Variants in EBF3 observed in about 807,000 individuals in gnomAD.
EBF3 encodes the protein EBF transcription factor 3, also known as transcription factor COE3.
A neutral mutation model predicts 77.1 loss-of-function variants in EBF3; 18 were observed. The observed-to-expected ratio is 0.23, with a 90% CI of 0.16 to 0.35. EBF3 has a LOEUF of 0.35. Ranked by LOEUF, EBF3 falls within the 10% of genes least tolerant of loss-of-function variation. The pLI, the probability that EBF3 is intolerant of heterozygous loss-of-function variation, is 1.00. For synonymous variants in EBF3, 350 were observed against 343.5 expected, an observed-to-expected ratio of 1.02 and a Z score of -0.21; for missense variants, 558 against 860.0, an observed-to-expected ratio of 0.65 and a Z score of 4.39.
intron 6 of EBF3, among the ~76,000 whole-genome samples, chr10:129,915,464 A>ACACG (rs1564884747): frequency 7.6e-6 from 1 of 131,788 alleles, no homozygotes; most frequent in Admixed American, 8.6e-5. Context: ...GCACACATGC[A>ACACG]CACACACACA....
intron 6 of EBF3, among the ~76,000 whole-genome samples, chr10:129,881,969 C>T (rs892430957): frequency 1.3e-5 from 2 of 152,166 alleles, no homozygotes; most frequent in African/African-American, 4.8e-5. Context: ...CCAGCATAAG[C>T]GTGGAGCAGC....
Position 129,963,742 on chromosome 10 carries a change from C to A in EBF3, c.27G>T (p.Pro9=). 1 of 1,531,798 alleles carries A rather than the reference C, an allele frequency of 6.5e-7. No homozygotes were observed. Among genetic ancestry groups the A allele is most frequent in the Non-Finnish European group, 8.8e-7 (1 of 1,131,952 alleles). The allele number at this position is 1,531,798 out of a possible 1,614,324, so 94.9% of individuals were successfully genotyped here. MFGIQENI[P]RGGTTMKEEP... ...CCTCCTTCATGGTCGTCCCCCCGCG[C>A]GGAATATTCTCCTGAATCCCAAACA... is the stretch of plus-strand genomic sequence containing the variant. The change falls in exon 1 of 17, where the codon CCG becomes CCT. Residue 9 remains proline (P), a synonymous_variant. Coordinates refer to ENST00000440978, the MANE Select transcript of EBF3 (RefSeq NM_001375380.1). This position sits in a 1 kb window ranked among gnomAD's most constrained non-coding sequence, Gnocchi z 7.1.
Position 129,938,517 on chromosome 10 carries a change from T to C in EBF3, c.554+18741A>G, listed in dbSNP as rs1857513740. Among the ~76,000 whole-genome samples the C allele has an allele frequency of 6.6e-6, 1 of 152,152 alleles. No individual in the cohort carries two copies. The highest frequency in any genetic ancestry group is 1.5e-5 in the Non-Finnish European group (1 of 68,026). On this transcript the variant is annotated intron_variant, in intron 6 of 16. Coordinates refer to ENST00000440978, the MANE Select transcript of EBF3 (RefSeq NM_001375380.1). The surrounding 1 kb of genome is among the most constrained non-coding windows in gnomAD (Gnocchi z 5.1). ...GCAGGGAGCTGTGATTGTGCCACTG[T>C]ACCCAGCCTGGGTGGCAGAGTGAGA...
At chr10:129,906,769 T>G (rs1381586854) in intron 6 of EBF3, among the ~76,000 whole-genome samples, 2 of 152,186 alleles carry the variant, frequency 1.3e-5, no homozygotes, top group African/African-American at 4.8e-5. Context: ...TTTTTTCGAT[T>G]CTGTCAAAAT....
chr10:129,867,927 C>A lies in EBF3; in HGVS notation c.782-15G>T, dbSNP rs371419680. ...GCACGGAGTGGCTGCTCACACAAGA[C>A]AGAGAAGGCAGACCTTAGAGCCCCG... is the stretch of plus-strand genomic sequence containing the variant. On this transcript the variant is annotated splice_polypyrimidine_tract_variant and intron_variant, in intron 8 of 16. Coordinates refer to ENST00000440978, the MANE Select transcript of EBF3 (RefSeq NM_001375380.1). 6.2e-7 allele frequency: 1 copy of A among 1,613,104 alleles called. No individual in the cohort carries two copies. Among genetic ancestry groups the A allele is most frequent in the Non-Finnish European group, 8.5e-7 (1 of 1,179,478 alleles).
In EBF3 at chr10:129,868,050, C is replaced by T. The variant is rs747063332; in HGVS notation, c.782-138G>A. On this transcript the variant is annotated intron_variant, in intron 8 of 16. Transcript: ENST00000440978. ...CTCCAGGCGGCACGCAAAGGGCAACCGTAGATCAGCATGTTGATGTGTTTA... is the reference window on the plus strand; with the variant it reads ...CTCCAGGCGGCACGCAAAGGGCAACTGTAGATCAGCATGTTGATGTGTTTA... The T allele has an allele frequency of 1.2e-4, 144 of 1,166,896 alleles. 1 individual carries two copies. The highest frequency in any genetic ancestry group is 2.6e-4 in the South Asian group (17 of 65,754). 72.3% of individuals were successfully genotyped at this position (1,166,896 alleles called of 1,614,324 possible).
chr10:129,855,245 C>T (rs1020838805), intron 10 of EBF3, among the ~76,000 whole-genome samples: 4 of 152,318 alleles, frequency 2.6e-5, no homozygotes, highest in East Asian at 1.9e-4. Context: ...ACAGCCCAAC[C>T]GGGCCTCGTG....
At chr10:129,857,671 C>T (rs867970898) in intron 10 of EBF3, among the ~76,000 whole-genome samples, 11 of 152,338 alleles carry the variant, frequency 7.2e-5, no homozygotes, top group Admixed American at 1.3e-4. Flanking sequence ...GCACCAGACA[C>T]GTGCCAACTG....
Position 129,885,393 on chromosome 10 carries a change from A to G in EBF3, c.555-7544T>C, listed in dbSNP as rs1432728870. ...AAGGCAAGTACATCCCAGAGCTACA[A>G]GCTTCGTCAGCCACCCCACTCCGCC... is the stretch of plus-strand genomic sequence containing the variant. On this transcript the variant is annotated intron_variant, in intron 6 of 16. Transcript: ENST00000440978. The surrounding 1 kb of genome is among the most constrained non-coding windows in gnomAD (Gnocchi z 4.0). 6.6e-6 allele frequency among the ~76,000 whole-genome samples: 1 copy of G among 152,204 alleles called. No homozygotes were observed. Among genetic ancestry groups the G allele is most frequent in the African/African-American group, 2.4e-5 (1 of 41,442 alleles).
At chr10:129,895,431 G>C (rs1854302594) in intron 6 of EBF3, among the ~76,000 whole-genome samples, 1 of 152,238 alleles carries the variant, frequency 6.6e-6, no homozygotes, top group Admixed American at 6.5e-5. Context: ...ACACCACACT[G>C]AGCTGGGCTG....
intron 7 of EBF3, among the ~76,000 whole-genome samples, chr10:129,875,308 T>C (rs1852694242): frequency 6.7e-6 from 1 of 148,744 alleles, no homozygotes; most frequent in Non-Finnish European, 1.5e-5. Flanking sequence ...GCCATTCTCC[T>C]TCCTCAGCCT....
At chr10:129,960,974 T>C (rs1859471852) in intron 4 of EBF3, among the ~76,000 whole-genome samples, 1 of 152,230 alleles carries the variant, frequency 6.6e-6, no homozygotes, top group Non-Finnish European at 1.5e-5. Context: ...AAGACCTTAG[T>C]TTACCTGTCA....
At chr10:129,898,747 C>G (rs1294972284) in intron 6 of EBF3, among the ~76,000 whole-genome samples, 1 of 152,198 alleles carries the variant, frequency 6.6e-6, no homozygotes, top group East Asian at 1.9e-4. Flanking sequence ...AATATGCTCC[C>G]CGTTCCTCTT....
chr10:129,884,641 C>T (rs1253354728), intron 6 of EBF3, among the ~76,000 whole-genome samples: 1 of 152,178 alleles, frequency 6.6e-6, no homozygotes, highest in Non-Finnish European at 1.5e-5. Context: ...CAGCTGTGCC[C>T]AGATGTCCTT....
chr10:129,958,302 T>C (rs575714431), intron 5 of EBF3, among the ~76,000 whole-genome samples: 2 of 152,238 alleles, frequency 1.3e-5, no homozygotes, highest in African/African-American at 4.8e-5. Flanking sequence ...TCCTTGCAAC[T>C]ATATTTCACA....
chr10:129,867,014 G>T, intron 10 of EBF3, 127 bp downstream of exon 10: 1 of 1,324,556 alleles, frequency 7.5e-7, no homozygotes, highest in Non-Finnish European at 9.9e-7. Context: ...ACAGGCCAAG[G>T]GGGCTTTGTC....
At chr10:129,941,943 G>A (rs1857776919) in intron 6 of EBF3, among the ~76,000 whole-genome samples, 1 of 152,242 alleles carries the variant, frequency 6.6e-6, no homozygotes, top group African/African-American at 2.4e-5. Context: ...AGGGAGCAAA[G>A]TGAGCTCACA....
chr10:129,942,073 C>T (rs1564911259), intron 6 of EBF3, among the ~76,000 whole-genome samples: 2 of 152,208 alleles, frequency 1.3e-5, no homozygotes, highest in Non-Finnish European at 2.9e-5. Context: ...ACCTCCTATC[C>T]TCAGGGAGCC....
At chr10:129,916,383 A>G (rs1316267863) in intron 6 of EBF3, among the ~76,000 whole-genome samples, 1 of 152,242 alleles carries the variant, frequency 6.6e-6, no homozygotes, top group East Asian at 1.9e-4. Context: ...AGCAAGAATT[A>G]AATGAGACAA....
Sources: gnomAD v4.1 joint callset for allele counts (sites outside exome capture counted in the v4.1 genomes callset) on GRCh38, gnomAD v4.1.1 for gene constraint, Gnocchi (gnomAD v3.1) non-coding constraint, MANE v1.5 for transcripts, NCBI Gene and HGNC (gene_info 2026-07-23, HGNC 2026-07-21) for gene names.